Variants in EIF2D observed in about 807,000 individuals in gnomAD.
EIF2D encodes the protein eukaryotic translation initiation factor 2D, also known as hepatocellular carcinoma-associated antigen 56.
In EIF2D, 56 loss-of-function variants were observed where a neutral mutation model predicts 77.4. That is an observed-to-expected ratio of 0.72 (90% CI 0.58 to 0.90). The LOEUF is 0.90. EIF2D is among the 40% of genes least tolerant of loss of function. EIF2D has a pLI of 0.00. For missense variants in EIF2D, 574 were observed against 706.5 expected (o/e 0.81, Z 2.13); for synonymous variants, 230 against 271.0 (o/e 0.85, Z 1.49).
chr1:206,609,590 T>C (rs1553413468), intron 2 of EIF2D, 131 bp from the exon 3 acceptor site: 2 of 680,986 alleles, frequency 2.9e-6, no homozygotes, highest in Non-Finnish European at 4.7e-6. Flanking sequence ...AAAGAGAAGG[T>C]TGTAAGGGGA....
At chr1:206,569,488 G>C (rs1455174646), downstream of EIF2D, among the ~76,000 whole-genome samples, 2 of 152,204 alleles carry the variant, frequency 1.3e-5, no homozygotes, top group Non-Finnish European at 2.9e-5. Flanking sequence ...TCCTAGATCT[G>C]GACAAGGGAA....
At chr1:206,583,716 G>C (rs1033958114) in intron 2 of EIF2D, 21 of 296,412 alleles carry the variant, frequency 7.1e-5, no homozygotes, top group African/African-American at 3.5e-4. Flanking sequence ...AGGACAATGG[G>C]ACTTAGTTGC....
chr1:206,599,773 C>G lies in EIF2D; in HGVS notation c.1012G>C (p.Gly338Arg). The G allele has an allele frequency of 1.2e-6, 2 of 1,614,198 alleles. No individual in the cohort carries two copies. The highest frequency in any genetic ancestry group is 1.7e-6 in the Non-Finnish European group (2 of 1,180,030). Reference protein sequence around the residue: ...QIIQVKELSKGVESIVAVDWK... With the variant: ...QIIQVKELSKRVESIVAVDWK... Reference sequence around the variant, plus strand: ...TCCACAGCCACAATGCTCTCCACCCCTTTGCTCAGCTCCTTCACCTGTATA... The same window carrying G: ...TCCACAGCCACAATGCTCTCCACCCGTTTGCTCAGCTCCTTCACCTGTATA... Residue 338 changes from glycine (G) to arginine (R), a missense_variant, in exon 9 of 15, where the codon GGG becomes CGG. By Grantham distance (125) the Gly-to-Arg change is moderately radical. Coordinates refer to ENST00000271764, the MANE Select transcript of EIF2D (RefSeq NM_006893.3). The surrounding 1 kb of genome is among the most constrained non-coding windows in gnomAD (Gnocchi z 4.1).
In EIF2D at chr1:206,599,175, G is replaced by C; in HGVS notation, c.1203-83C>G. On this transcript the variant is annotated intron_variant, in intron 10 of 14. Transcript: ENST00000271764. This position sits in a 1 kb window ranked among gnomAD's most constrained non-coding sequence, Gnocchi z 4.1. ...CAGATGCCCAGACTCACTCCCTGCT[G>C]AGCAGGGAACTTTCCTTAGCTTTCG... is the stretch of plus-strand genomic sequence containing the variant. 3.0e-6 allele frequency: 4 copies of C among 1,321,102 alleles called. No homozygotes were observed. The highest frequency in any genetic ancestry group is 4.3e-6 in the Non-Finnish European group (4 of 930,490). The allele number at this position is 1,321,102 out of a possible 1,614,324, so 81.8% of individuals were successfully genotyped here. A position where few individuals can be genotyped will look rare whatever the true frequency, so the allele number is the denominator to read the frequency against.
chr1:206,587,718 C>T (rs1258109094), downstream of EIF2D: 6 of 152,360 alleles, frequency 3.9e-5, no homozygotes, highest in African/African-American at 1.4e-4. Context: ...ACAAACTGTT[C>T]GTTTTTAAGT....
At chr1:206,585,344 G>A in intron 2 of EIF2D, 3 of 1,330,858 alleles carry the variant, frequency 2.3e-6, no homozygotes, top group Middle Eastern at 1.8e-4. Flanking sequence ...CACCCTGGGT[G>A]GGTGCAGGTG....
chr1:206,610,981 G>A (rs556717764), intron 2 of EIF2D, among the ~76,000 whole-genome samples: 1 of 151,960 alleles, frequency 6.6e-6, no homozygotes, highest in South Asian at 2.1e-4. Context: ...TCCTATAGTG[G>A]TTTTGCATAA....
At chr1:206,585,418 G>T in intron 2 of EIF2D, 2 of 736,766 alleles carry the variant, frequency 2.7e-6, no homozygotes, top group East Asian at 2.5e-5. Flanking sequence ...GGTGACTGTT[G>T]AGAGAGTGAG....
chr1:206,605,636 C>T, intron 4 of EIF2D, 129 bp from the exon 5 acceptor site: 1 of 689,076 alleles, frequency 1.5e-6, no homozygotes, highest in South Asian at 1.8e-5. Context: ...ATCATAAAAC[C>T]AAACTCAGTC....
intron 4 of EIF2D, among the ~76,000 whole-genome samples, chr1:206,573,365 G>C (rs1383272227): frequency 1.3e-5 from 2 of 152,174 alleles, no homozygotes; most frequent in African/African-American, 4.8e-5. Context: ...GTGAGTAATA[G>C]GAGTCAGAAG....
intron 13 of EIF2D, 137 bp downstream of exon 13, chr1:206,595,581 A>C: frequency 9.0e-7 from 1 of 1,108,658 alleles, no homozygotes; most frequent in Non-Finnish European, 1.3e-6. Context: ...GCCCAGGCAC[A>C]TAAACACGGG....
At chr1:206,578,350 G>A (rs1668736449) in intron 4 of EIF2D, among the ~76,000 whole-genome samples, 1 of 151,972 alleles carries the variant, frequency 6.6e-6, no homozygotes, top group Non-Finnish European at 1.5e-5. Context: ...CACTTTCCTT[G>A]ACTGTAAAAT....
chr1:206,612,402 G>C lies in EIF2D; in HGVS notation c.-60C>G. ...AGCCAGGGAATGTCAAGAAAGCGAG[G>C]GCGCAGCAGCTGCCAGGCCCTCAGC... is the stretch of plus-strand genomic sequence containing the variant. On this transcript the variant is annotated 5_prime_UTR_variant, in exon 1 of 15. Transcript: ENST00000271764. 6.2e-7 allele frequency: 1 copy of C among 1,609,434 alleles called. No homozygotes were observed. The highest frequency in any genetic ancestry group is 8.5e-7 in the Non-Finnish European group (1 of 1,175,892).
In EIF2D at chr1:206,595,965, A is replaced by C. The variant is rs1441135954; in HGVS notation, c.1389-127T>G. 6 of 1,265,206 alleles carry C rather than the reference A, an allele frequency of 4.7e-6. No individual in the cohort carries two copies. In the African/African-American group the frequency reaches 6.0e-5, roughly 13 times the overall value. 78.4% of individuals were successfully genotyped at this position (1,265,206 alleles called of 1,614,324 possible). On this transcript the variant is annotated intron_variant, in intron 12 of 14. Coordinates refer to ENST00000271764, the MANE Select transcript of EIF2D (RefSeq NM_006893.3). ...TCCACAACCTTGGCTGCACATTAGAATCATTCAAATCCCTAGGGAGCTACA... is the reference window on the plus strand; with the variant it reads ...TCCACAACCTTGGCTGCACATTAGACTCATTCAAATCCCTAGGGAGCTACA...
In EIF2D at chr1:206,609,269, C is replaced by A. The variant is rs113400702; in HGVS notation, c.331+107G>T. Reference sequence around the variant, plus strand: ...CATAAAACACATAGGGGAAAAAATTCCATTTTTCAACCACAAAAACACAGG... The same window carrying A: ...CATAAAACACATAGGGGAAAAAATTACATTTTTCAACCACAAAAACACAGG... On this transcript the variant is annotated intron_variant, in intron 3 of 14. Transcript: ENST00000271764. 8 of 1,117,048 alleles carry A rather than the reference C, an allele frequency of 7.2e-6. No individual in the cohort carries two copies. The African/African-American group carries it at 9.3e-5, about 13-fold the overall frequency. 69.2% of individuals were successfully genotyped at this position (1,117,048 alleles called of 1,614,324 possible).
intron 14 of EIF2D, 69 bp downstream of exon 14, chr1:206,593,550 A>C (rs1186634274): frequency 3.9e-5 from 29 of 740,478 alleles, no homozygotes; most frequent in Non-Finnish European, 5.1e-5. Flanking sequence ...TGTATTATGC[A>C]AGTTGAGTTG....
chr1:206,593,482 A>AGAGC, intron 14 of EIF2D, 137 bp downstream of exon 14: 4 of 511,676 alleles, frequency 7.8e-6, no homozygotes, highest in South Asian at 4.4e-5. Context: ...AGAGAGAGAG[A>AGAGC]GAGAGCGAGA....
At chr1:206,575,252 T>G (rs1179629247) in intron 4 of EIF2D, among the ~76,000 whole-genome samples, 1 of 152,134 alleles carries the variant, frequency 6.6e-6, no homozygotes, top group African/African-American at 2.4e-5. Flanking sequence ...CAGATGGACA[T>G]TCTCCTGTAG....
intron 4 of EIF2D, among the ~76,000 whole-genome samples, chr1:206,573,095 G>A (rs1291716342): frequency 6.6e-6 from 1 of 152,200 alleles, no homozygotes; most frequent in Non-Finnish European, 1.5e-5. Context: ...TGCTTACTGT[G>A]TACTTTGTGC....
Sources: allele counts gnomAD v4.1 joint callset (sites outside exome capture counted in the v4.1 genomes callset), GRCh38; gene constraint gnomAD v4.1.1; non-coding constraint Gnocchi (gnomAD v3.1); transcripts MANE v1.5; gene names NCBI Gene and HGNC (gene_info 2026-07-23, HGNC 2026-07-21).